Variants in TRPC4AP observed in about 807,000 individuals in gnomAD.
TRPC4AP encodes short transient receptor potential channel 4-associated protein.
Under a neutral mutation model 99.0 loss-of-function variants are expected in TRPC4AP, and 45 were observed. The ratio of observed to expected loss-of-function variants is 0.45; its 90% CI spans 0.36 to 0.58. TRPC4AP has a LOEUF of 0.58. TRPC4AP is among the 20% of genes least tolerant of loss of function. The pLI, the probability that TRPC4AP is intolerant of heterozygous loss-of-function variation, is 0.00. For synonymous variants in TRPC4AP, 408 were observed against 385.8 expected (o/e 1.06, Z -0.67); for missense variants, 879 against 985.3 (o/e 0.89, Z 1.44).
At chr20:35,055,059 ATTTT>A in intron 4 of TRPC4AP, 28 bp from the exon 5 acceptor site, 1 of 1,603,334 alleles carries the variant, frequency 6.2e-7, no homozygotes, top group South Asian at 1.1e-5. Flanking sequence ...ATGACTGGTT[ATTTT>A]TCTCAATGAA....
chr20:35,012,945 G>C lies in TRPC4AP; in HGVS notation c.1409+63C>G. ...CGAGCTGAGGTCAGGGACCAGACAA[G>C]GAGATCGAGGCCTTCCGAAGACAGC... On this transcript the variant is annotated intron_variant, in intron 11 of 18. Transcript: ENST00000252015. The C allele has an allele frequency of 1.3e-6, 2 of 1,556,838 alleles. 1 individual carries two copies.
rs555351029 is a variant in TRPC4AP at position 35,068,069 on chromosome 20, A to G, written c.414+1227T>C. 2.6e-5 allele frequency among the ~76,000 whole-genome samples: 4 copies of G among 152,332 alleles called. No homozygotes were observed. The East Asian group carries it at 7.7e-4, about 29-fold the overall frequency. On this transcript the variant is annotated intron_variant, in intron 3 of 18. Transcript: ENST00000252015. ...ACTATGGAAAAATATCACTTTTCTC[A>G]TAACTGCTTAGTAAATACTTAAAAT...
chr20:35,059,938 A>AGAAGAC (rs2083951833), intron 3 of TRPC4AP, among the ~76,000 whole-genome samples: 14 of 113,516 alleles, frequency 1.2e-4, no homozygotes, highest in Admixed American at 4.7e-4. Context: ...AAGAAGACGA[A>AGAAGAC]GAAGAAGAAA....
At chr20:35,088,878 T>A (rs1203924894) in intron 1 of TRPC4AP, among the ~76,000 whole-genome samples, 1 of 152,054 alleles carries the variant, frequency 6.6e-6, no homozygotes, top group Non-Finnish European at 1.5e-5. Context: ...TTATCTAAAG[T>A]AGTCAAACTC....
At chr20:35,056,585 T>TA (rs2083831528) in intron 4 of TRPC4AP, among the ~76,000 whole-genome samples, 2 of 151,992 alleles carry the variant, frequency 1.3e-5, no homozygotes, top group Non-Finnish European at 2.9e-5. Context: ...TCTTTTAAAT[T>TA]AAAAAAACGC....
At chr20:35,013,249 T>C (rs2082677917) in intron 10 of TRPC4AP, among the ~76,000 whole-genome samples, 183 bp from the exon 11 acceptor site, 1 of 152,054 alleles carries the variant, frequency 6.6e-6, no homozygotes, top group African/African-American at 2.4e-5. Flanking sequence ...ATTAAGCTAA[T>C]GTGGCCCCCT....
chr20:35,028,524 T>C (rs978671649), intron 8 of TRPC4AP, among the ~76,000 whole-genome samples: 5 of 152,240 alleles, frequency 3.3e-5, no homozygotes, highest in Non-Finnish European at 7.3e-5. Context: ...CCACTGGGAT[T>C]TGAGGACATA....
intron 3 of TRPC4AP, among the ~76,000 whole-genome samples, chr20:35,068,961 AC>A (rs2084221117): frequency 2.5e-5 from 1 of 39,372 alleles, no homozygotes; most frequent in South Asian, 7.3e-4. Flanking sequence ...ACACACACAC[AC>A]ACACACACAC....
At chr20:35,039,207 C>A (rs902294693) in intron 7 of TRPC4AP, among the ~76,000 whole-genome samples, 3 of 152,218 alleles carry the variant, frequency 2.0e-5, no homozygotes, top group Non-Finnish European at 4.4e-5. Flanking sequence ...TTGACCTGCT[C>A]CTCTCAGGAC....
At chr20:35,083,962 TA>T (rs202216379) in intron 1 of TRPC4AP, among the ~76,000 whole-genome samples, 12,223 of 140,020 alleles carry the variant, frequency 0.087, 553 homozygotes, top group South Asian at 0.14. Flanking sequence ...ATGATTTCTT[TA>T]AAAAAAAAAA....
At chr20:35,044,927 C>T (rs899018356) in intron 6 of TRPC4AP, among the ~76,000 whole-genome samples, 1 of 152,070 alleles carries the variant, frequency 6.6e-6, no homozygotes, top group Non-Finnish European at 1.5e-5. Flanking sequence ...TAATCTACCT[C>T]ACAGGATTAG....
intron 17 of TRPC4AP, 71 bp from the exon 18 acceptor site, chr20:35,003,687 C>T (rs2082448519): frequency 6.6e-7 from 1 of 1,516,728 alleles, no homozygotes; most frequent in Admixed American, 1.9e-5. Flanking sequence ...ACCTGGGTAG[C>T]CATCAGGCAG....
intron 7 of TRPC4AP, among the ~76,000 whole-genome samples, chr20:35,039,840 T>G (rs1464736358): frequency 1.3e-5 from 2 of 151,748 alleles, no homozygotes; most frequent in Non-Finnish European, 1.5e-5. Flanking sequence ...ACTCAAAAAA[T>G]AATTATTTAT....
intron 2 of TRPC4AP, among the ~76,000 whole-genome samples, chr20:35,071,649 A>G (rs2084318778): frequency 1.3e-5 from 2 of 152,110 alleles, no homozygotes; most frequent in African/African-American, 4.8e-5. Context: ...TCCATGGTGT[A>G]TATGTGCCAC....
At position 35,002,476 on chromosome 20, in the gene TRPC4AP, A is replaced by C; in HGVS notation, c.*670T>G. 3.2e-6 allele frequency: 1 copy of C among 312,408 alleles called. No homozygotes were observed. Among genetic ancestry groups the C allele is most frequent in the Non-Finnish European group, 5.8e-6 (1 of 172,074 alleles). The allele number at this position is 312,408 out of a possible 1,614,324, so 19.4% of individuals were successfully genotyped here. On this transcript the variant is annotated 3_prime_UTR_variant, in exon 19 of 19. Coordinates refer to ENST00000252015, the MANE Select transcript of TRPC4AP (RefSeq NM_015638.3). ...TTTGCTGTTAATAAATTGGCAACAC[A>C]AGGAAGGGCCCCATGTCCAGGCTCA...
intron 3 of TRPC4AP, among the ~76,000 whole-genome samples, chr20:35,060,585 C>CAAAA (rs35143678): frequency 1.3e-4 from 9 of 70,374 alleles, no homozygotes; most frequent in Non-Finnish European, 1.5e-4. Flanking sequence ...ACCTTGTCTC[C>CAAAA]AAAAAAAAAA....
chr20:35,017,576 C>T (rs1304562029), intron 9 of TRPC4AP, among the ~76,000 whole-genome samples: 2 of 152,172 alleles, frequency 1.3e-5, no homozygotes, highest in Non-Finnish European at 1.5e-5. Context: ...TCGCTTATTG[C>T]TATTTTACAA....
In TRPC4AP at chr20:35,003,517, G is replaced by C. The variant is rs906273290; in HGVS notation, c.2149C>G (p.His717Asp). 1.2e-6 allele frequency: 2 copies of C among 1,613,888 alleles called. No homozygotes were observed. Among genetic ancestry groups the C allele is most frequent in the African/African-American group, 2.7e-5 (2 of 74,930 alleles). The part of the protein sequence containing the change: ...LYLRLLQRME[H>D]SKKYPGFLLN... ...AGGAAGCCGGGGTACTTCTTGCTGT[G>C]CTCCATCCGCTGCAGCAGCCGCAGG... Residue 717 changes from histidine (H) to aspartate (D), a missense_variant, in exon 18 of 19, where the codon CAC becomes GAC. By Grantham distance (81) the His-to-Asp change is moderately conservative. Coordinates refer to ENST00000252015, the MANE Select transcript of TRPC4AP (RefSeq NM_015638.3).
chr20:35,077,897 T>A, intron 2 of TRPC4AP, 149 bp downstream of exon 2: 1 of 835,074 alleles, frequency 1.2e-6, no homozygotes, highest in Non-Finnish European at 1.8e-6. Context: ...TTCTTCTTTG[T>A]ACTTTTTCTG....
Sources: allele counts gnomAD v4.1 joint callset (sites outside exome capture counted in the v4.1 genomes callset), GRCh38; gene constraint gnomAD v4.1.1; transcripts MANE v1.5; gene names NCBI Gene and HGNC (gene_info 2026-07-23, HGNC 2026-07-21).